Variants in RASSF3 observed in about 807,000 individuals in gnomAD.
RASSF3 encodes ras association domain-containing protein 3.
In RASSF3, 19 loss-of-function variants were observed where a neutral mutation model predicts 19.9. The observed-to-expected ratio is 0.96, with a 90% confidence interval of 0.67 to 1.40. The LOEUF (loss-of-function observed/expected upper bound fraction) is 1.40, where lower values mean the gene tolerates loss of function less well. RASSF3 is among the 40% of genes most tolerant of loss of function. RASSF3 has a pLI of 0.00. For missense variants in RASSF3, 306 were observed against 289.8 expected, an observed-to-expected ratio of 1.06 and a Z score of -0.41; for synonymous variants, 110 against 104.2, an observed-to-expected ratio of 1.06 and a Z score of -0.34.
intron 2 of RASSF3, among the ~76,000 whole-genome samples, chr12:64,581,518 G>C (rs1869696052): frequency 6.6e-6 from 1 of 152,006 alleles, no homozygotes; most frequent in African/African-American, 2.4e-5. Flanking sequence ...AGACCAGATT[G>C]GGCAACATGG....
chr12:64,533,125 A>T (rs1868749254), upstream of RASSF3: 3 of 152,256 alleles, frequency 2.0e-5, 1 homozygote, highest in South Asian at 6.2e-4. Context: ...GGAAAAATAC[A>T]TGAAGCCAGG....
At chr12:64,662,966 C>T (rs1362819810) in intron 1 of RASSF3, among the ~76,000 whole-genome samples, 1 of 152,102 alleles carries the variant, frequency 6.6e-6, no homozygotes, top group Non-Finnish European at 1.5e-5. Context: ...TAGAATAGTG[C>T]TAAGCACTCA....
chr12:64,596,998 C>T (rs1193032583), intron 2 of RASSF3, among the ~76,000 whole-genome samples: 1 of 152,138 alleles, frequency 6.6e-6, no homozygotes, highest in African/African-American at 2.4e-5. Flanking sequence ...AACTCTCAAC[C>T]TCAGGTGATC....
chr12:64,620,875 A>G (rs1003112774), intron 1 of RASSF3, among the ~76,000 whole-genome samples: 1 of 152,146 alleles, frequency 6.6e-6, no homozygotes, highest in Non-Finnish European at 1.5e-5. Flanking sequence ...AATAGAGAAA[A>G]AAAACTTCAA....
chr12:64,660,207 T>G (rs1203346154), intron 1 of RASSF3, among the ~76,000 whole-genome samples: 1 of 152,096 alleles, frequency 6.6e-6, no homozygotes, highest in Non-Finnish European at 1.5e-5. Flanking sequence ...TGTGAGCTAC[T>G]GTGCCCATCC....
intron 1 of RASSF3, among the ~76,000 whole-genome samples, chr12:64,524,504 C>T (rs988747210): frequency 6.6e-6 from 1 of 152,092 alleles, no homozygotes; most frequent in East Asian, 1.9e-4. Flanking sequence ...TGGCTCCCTA[C>T]TGCCTACAGC....
At chr12:64,644,695 A>G (rs1274134816) in intron 1 of RASSF3, among the ~76,000 whole-genome samples, 1 of 48,920 alleles carries the variant, frequency 2.0e-5, no homozygotes, top group African/African-American at 9.8e-5. Context: ...CCTGTCTCCA[A>G]CCAAAAACAA....
chr12:64,647,961 C>T lies in RASSF3; in HGVS notation c.112-36826C>T, dbSNP rs73321735. 3.6e-4 allele frequency among the ~76,000 whole-genome samples: 55 copies of T among 152,356 alleles called. 2 individuals carry two copies. The highest frequency in any genetic ancestry group is 1.3e-3 in the African/African-American group (52 of 41,590). On this transcript the variant is annotated intron_variant, in intron 1 of 4. Transcript: ENST00000542104. ...ACCCAAGATTAGAAATGCATATGTT[C>T]AGCCATGACATCTATGGAAAGTACA...
At chr12:64,569,965 C>T (rs936283231) in intron 2 of RASSF3, among the ~76,000 whole-genome samples, 3 of 152,112 alleles carry the variant, frequency 2.0e-5, no homozygotes, top group Non-Finnish European at 4.4e-5. Context: ...AACTCTGTCT[C>T]AAAACAACAA....
chr12:64,624,289 A>G (rs1870906916), intron 1 of RASSF3, among the ~76,000 whole-genome samples: 1 of 151,972 alleles, frequency 6.6e-6, no homozygotes, highest in Non-Finnish European at 1.5e-5. Context: ...AAAACTCAGT[A>G]ATGAAAAAGA....
intron 1 of RASSF3, among the ~76,000 whole-genome samples, chr12:64,676,771 AC>A (rs1655454032): frequency 7.5e-6 from 1 of 133,330 alleles, no homozygotes; most frequent in Admixed American, 7.6e-5. Context: ...GCACCTGGCC[AC>A]TTTTTTTTTT....
At chr12:64,629,759 G>A (rs1871110772) in intron 1 of RASSF3, 1 of 151,884 alleles carries the variant, frequency 6.6e-6, no homozygotes, top group African/African-American at 2.4e-5. Context: ...GAGGTCAGGA[G>A]TTTGAGACCA....
chr12:64,576,564 C>A (rs748749040), intron 2 of RASSF3, among the ~76,000 whole-genome samples: 1 of 152,072 alleles, frequency 6.6e-6, no homozygotes, highest in Non-Finnish European at 1.5e-5. Flanking sequence ...CAAACTACAG[C>A]CCTCAGGTCA....
chr12:64,561,186 G>A (rs1344955009), intron 2 of RASSF3, among the ~76,000 whole-genome samples: 2 of 152,072 alleles, frequency 1.3e-5, no homozygotes, highest in Non-Finnish European at 2.9e-5. Flanking sequence ...CATTTTCATG[G>A]CCACAGCCTC....
At chr12:64,629,928 C>CT (rs1565855056) in intron 1 of RASSF3, 1 of 139,162 alleles carries the variant, frequency 7.2e-6, no homozygotes, top group African/African-American at 2.7e-5. Context: ...TGTGCCACTA[C>CT]TCCAGCCTGG....
intron 2 of RASSF3, among the ~76,000 whole-genome samples, chr12:64,604,852 C>G (rs1870159576): frequency 6.6e-6 from 1 of 151,788 alleles, no homozygotes; most frequent in Admixed American, 6.6e-5. Flanking sequence ...GTCTCGATCT[C>G]CTGACCTTGT....
chr12:64,545,934 A>T (rs1360330999), downstream of RASSF3, among the ~76,000 whole-genome samples: 2 of 151,958 alleles, frequency 1.3e-5, no homozygotes, highest in African/African-American at 2.4e-5. Flanking sequence ...TCTCTACTAA[A>T]AATACAAAGA....
intron 1 of RASSF3, among the ~76,000 whole-genome samples, chr12:64,631,843 G>A (rs750469006): frequency 1.6e-4 from 25 of 152,064 alleles, no homozygotes; most frequent in Non-Finnish European, 2.5e-4. Context: ...CCAAAGTGCT[G>A]GGATTACAGG....
intron 1 of RASSF3, among the ~76,000 whole-genome samples, chr12:64,524,537 A>G (rs968146473): frequency 2.6e-5 from 4 of 151,688 alleles, no homozygotes; most frequent in African/African-American, 9.7e-5. Flanking sequence ...CTGTTGTTCT[A>G]CCTCCACAAC....
Sources: gnomAD v4.1 joint callset for allele counts (sites outside exome capture counted in the v4.1 genomes callset) on GRCh38, gnomAD v4.1.1 for gene constraint, MANE v1.5 for transcripts, NCBI Gene and HGNC (gene_info 2026-07-23, HGNC 2026-07-21) for gene names.